The following BCAS1 variants were observed in gnomAD, a reference collection of about 807,000 sequenced individuals.
BCAS1 encodes brain enriched myelin associated protein 1.
A neutral mutation model predicts 65.4 loss-of-function variants in BCAS1; 46 were observed. The ratio of observed to expected loss-of-function variants is 0.70; its 90% CI spans 0.55 to 0.90. The LOEUF is 0.90. BCAS1 is among the 40% of genes least tolerant of loss of function. The pLI is 0.00. For missense variants in BCAS1, 793 were observed against 771.2 expected (o/e 1.03, Z -0.33); for synonymous variants, 298 against 293.5 (o/e 1.02, Z -0.16).
At chr20:53,984,792 G>C (rs1341049148) in intron 8 of BCAS1, among the ~76,000 whole-genome samples, 1 of 152,182 alleles carries the variant, frequency 6.6e-6, no homozygotes, top group Admixed American at 6.5e-5. Flanking sequence ...AGAGCACAGT[G>C]TTTGCCTACC....
chr20:54,016,152 A>G (rs2091433774), intron 4 of BCAS1, among the ~76,000 whole-genome samples: 1 of 152,134 alleles, frequency 6.6e-6, no homozygotes, highest in Admixed American at 6.5e-5. Flanking sequence ...CACCTGACCA[A>G]TTCTATTTTT....
intron 3 of BCAS1, among the ~76,000 whole-genome samples, chr20:54,048,915 C>T (rs79853378): frequency 0.012 from 1,851 of 152,268 alleles, 34 homozygotes; most frequent in African/African-American, 0.042. Flanking sequence ...GGATGGCAAG[C>T]GTCCTGCTCT....
At chr20:53,956,924 G>A (rs1449899073) in intron 11 of BCAS1, among the ~76,000 whole-genome samples, 1 of 152,088 alleles carries the variant, frequency 6.6e-6, no homozygotes, top group South Asian at 2.1e-4. Flanking sequence ...GTGACCCCCC[G>A]ACTCCATGTC....
chr20:54,051,209 G>A (rs1438165745), intron 3 of BCAS1, among the ~76,000 whole-genome samples: 5 of 152,132 alleles, frequency 3.3e-5, no homozygotes, highest in Non-Finnish European at 7.4e-5. Context: ...TGGTGTGTGG[G>A]ACTAAATGTT....
At chr20:54,024,970 T>C (rs2091640328) in intron 4 of BCAS1, among the ~76,000 whole-genome samples, 1 of 152,200 alleles carries the variant, frequency 6.6e-6, no homozygotes, top group Admixed American at 6.5e-5. Context: ...CTTATCACAA[T>C]GTCTCTTAAA....
intron 12 of BCAS1, among the ~76,000 whole-genome samples, chr20:53,945,398 TTTC>T (rs1397270426): frequency 8.0e-6 from 1 of 125,466 alleles, no homozygotes; most frequent in Non-Finnish European, 1.8e-5. Flanking sequence ...CCTGTTTTAT[TTTC>T]TTCTTTTTTT....
chr20:54,012,610 G>A (rs1328253339), intron 4 of BCAS1, among the ~76,000 whole-genome samples: 1 of 152,130 alleles, frequency 6.6e-6, no homozygotes, highest in Non-Finnish European at 1.5e-5. Flanking sequence ...AACAATGTGT[G>A]ATGGAATATT....
chr20:53,994,027 T>C (rs2090835685), intron 6 of BCAS1, among the ~76,000 whole-genome samples: 1 of 152,206 alleles, frequency 6.6e-6, no homozygotes, highest in African/African-American at 2.4e-5. Flanking sequence ...ACATGAAGAC[T>C]TGGGTTCAGA....
At chr20:53,998,110 C>G (rs752231386) in intron 4 of BCAS1, among the ~76,000 whole-genome samples, 1 of 152,166 alleles carries the variant, frequency 6.6e-6, no homozygotes. Flanking sequence ...TTGACCCCTT[C>G]TCTCAGTAGT....
chr20:54,006,539 G>A (rs940710307), intron 4 of BCAS1, among the ~76,000 whole-genome samples: 1 of 151,978 alleles, frequency 6.6e-6, no homozygotes, highest in African/African-American at 2.4e-5. Context: ...GTGAAACCCC[G>A]CCTCTATTAA....
chr20:53,977,219 C>T (rs1600760412), intron 8 of BCAS1, among the ~76,000 whole-genome samples: 1 of 152,302 alleles, frequency 6.6e-6, no homozygotes, highest in East Asian at 1.9e-4. Flanking sequence ...CAGGTCCCTC[C>T]TTTGACACCT....
Position 54,039,739 on chromosome 20 carries a change from A to G in BCAS1, c.143-10767T>C, listed in dbSNP as rs1431276052. Among the ~76,000 whole-genome samples, 7 of 151,440 alleles carry G rather than the reference A, an allele frequency of 4.6e-5. No homozygotes were observed. In the East Asian group the frequency reaches 1.2e-3, roughly 25 times the overall value. On this transcript the variant is annotated intron_variant, in intron 3 of 12. Transcript: ENST00000688948. Reference sequence around the variant, plus strand: ...TACATTTAACCCGTGTTTACAACCAAAATAATTAATCTCTCTGAACCCTTT... The same window carrying G: ...TACATTTAACCCGTGTTTACAACCAGAATAATTAATCTCTCTGAACCCTTT...
rs573315671 is a variant in BCAS1 at position 54,070,381 on chromosome 20, A to G, written c.-6+52T>C. On this transcript the variant is annotated intron_variant, in intron 1 of 12. Coordinates refer to ENST00000688948, the MANE Select transcript of BCAS1 (RefSeq NM_001366298.2). ...CCCTGGCCTCTATATGACACCGTCTACCACAAACAGCAAACCCTCCAGCCA... is the reference window on the plus strand; with the variant it reads ...CCCTGGCCTCTATATGACACCGTCTGCCACAAACAGCAAACCCTCCAGCCA... 5 of 152,496 alleles carry G rather than the reference A, an allele frequency of 3.3e-5. No homozygotes were observed. The East Asian group carries it at 7.7e-4, about 24-fold the overall frequency. 9.4% of individuals were successfully genotyped at this position (152,496 alleles called of 1,614,324 possible).
At chr20:53,947,102 T>C (rs553474887) in intron 12 of BCAS1, among the ~76,000 whole-genome samples, 1 of 152,278 alleles carries the variant, frequency 6.6e-6, no homozygotes, top group African/African-American at 2.4e-5. Context: ...AGGAATCAGA[T>C]TGCTGGTCTT....
chr20:54,011,433 C>T (rs542871518), intron 4 of BCAS1, among the ~76,000 whole-genome samples: 7 of 152,098 alleles, frequency 4.6e-5, no homozygotes, highest in African/African-American at 1.2e-4. Flanking sequence ...GGGCAAAAGA[C>T]GTGAGGGGGC....
At chr20:54,021,933 C>T (rs534088125) in intron 4 of BCAS1, among the ~76,000 whole-genome samples, 1 of 152,246 alleles carries the variant, frequency 6.6e-6, no homozygotes, top group East Asian at 1.9e-4. Flanking sequence ...AAAACTTTAT[C>T]TCTAAAAAAT....
intron 9 of BCAS1, among the ~76,000 whole-genome samples, chr20:53,969,922 T>C (rs1196206187): frequency 6.6e-6 from 1 of 152,060 alleles, no homozygotes; most frequent in Non-Finnish European, 1.5e-5. Flanking sequence ...GTGAAGAAAA[T>C]GAGATTACTA....
intron 8 of BCAS1, among the ~76,000 whole-genome samples, chr20:53,981,572 T>A (rs920081200): frequency 1.4e-4 from 20 of 147,826 alleles, no homozygotes; most frequent in Admixed American, 6.8e-5. Context: ...ATCCTCCCAA[T>A]AAACACGAAA....
chr20:53,986,713 C>A (rs1351998225), intron 7 of BCAS1, among the ~76,000 whole-genome samples: 1 of 152,088 alleles, frequency 6.6e-6, no homozygotes, highest in Non-Finnish European at 1.5e-5. Flanking sequence ...GCCTGGGCAA[C>A]ATGGTGAAAC....
Sources: allele counts gnomAD v4.1 joint callset (sites outside exome capture counted in the v4.1 genomes callset), GRCh38; gene constraint gnomAD v4.1.1; transcripts MANE v1.5; gene names NCBI Gene and HGNC (gene_info 2026-07-23, HGNC 2026-07-21).